The following UNC5D variants were observed in gnomAD, a reference collection of about 807,000 sequenced individuals.
UNC5D encodes the protein unc-5 netrin receptor D.
A neutral mutation model predicts 105.4 loss-of-function variants in UNC5D; 39 were observed. The ratio of observed to expected loss-of-function variants is 0.37; its 90% CI spans 0.29 to 0.48. UNC5D has a LOEUF of 0.48. UNC5D is among the 20% of genes least tolerant of loss of function. The pLI is 0.98. For synonymous variants in UNC5D, 452 were observed against 450.4 expected (o/e 1.00, Z -0.04); for missense variants, 991 against 1,202.4 (o/e 0.82, Z 2.60).
chr8:35,435,382 G>A (rs1233783869), intron 1 of UNC5D, among the ~76,000 whole-genome samples: 3 of 152,022 alleles, frequency 2.0e-5, no homozygotes, highest in Non-Finnish European at 4.4e-5. Flanking sequence ...TTTCTTCAAT[G>A]CATTTCTGGA....
At chr8:35,761,275 C>T (rs1379387952) in intron 14 of UNC5D, among the ~76,000 whole-genome samples, 1 of 152,178 alleles carries the variant, frequency 6.6e-6, no homozygotes, top group Non-Finnish European at 1.5e-5. Context: ...CCTCATTTCA[C>T]TGGATCTGAT....
intron 1 of UNC5D, among the ~76,000 whole-genome samples, chr8:35,257,265 A>T (rs1037796932): frequency 4.6e-5 from 7 of 152,048 alleles, no homozygotes; most frequent in African/African-American, 1.4e-4. Context: ...CAACGCGCCC[A>T]GCCTGGCTAT....
At chr8:35,396,496 C>CT (rs754696276) in intron 1 of UNC5D, among the ~76,000 whole-genome samples, 160 of 144,218 alleles carry the variant, frequency 1.1e-3, no homozygotes, top group Admixed American at 2.6e-3. Context: ...CTTTTATTTT[C>CT]TTTTTTTTTT....
At chr8:35,544,695 C>T (rs78045294) in intron 1 of UNC5D, among the ~76,000 whole-genome samples, 1,904 of 148,688 alleles carry the variant, frequency 0.013, 38 homozygotes, top group African/African-American at 0.045. Flanking sequence ...CTCTGCCTTC[C>T]GGGTACAAGT....
chr8:35,267,082 AT>A (rs36035512), intron 1 of UNC5D, among the ~76,000 whole-genome samples: 2,789 of 137,176 alleles, frequency 0.02, 59 homozygotes, highest in African/African-American at 0.064. Flanking sequence ...ACAGGGACTG[AT>A]TTTTTTTTTT....
At chr8:35,400,943 A>G (rs530744235) in intron 1 of UNC5D, among the ~76,000 whole-genome samples, 1 of 152,226 alleles carries the variant, frequency 6.6e-6, no homozygotes, top group South Asian at 2.1e-4. Context: ...GTTTATTAGC[A>G]CTGGATGTGT....
chr8:35,271,784 C>G, intron 1 of UNC5D, among the ~76,000 whole-genome samples: 1 of 142,284 alleles, frequency 7.0e-6, no homozygotes, highest in South Asian at 2.2e-4. Flanking sequence ...CATAGGCACT[C>G]TATCTGTATA....
Position 35,794,052 on chromosome 8 carries a change from C to T in UNC5D, c.*3489C>T, listed in dbSNP as rs575546334. On this transcript the variant is annotated 3_prime_UTR_variant, in exon 17 of 17. Coordinates refer to ENST00000404895, the MANE Select transcript of UNC5D (RefSeq NM_080872.4). ...CATTCTCAGCATCAGGATTGATAAA[C>T]AAATGTAGATGATTAAAATAGGATA... 1 of 152,138 alleles carries T rather than the reference C, an allele frequency of 6.6e-6. No homozygotes were observed. Among genetic ancestry groups the T allele is most frequent in the African/African-American group, 2.4e-5 (1 of 41,436 alleles). 9.4% of individuals were successfully genotyped at this position (152,138 alleles called of 1,614,324 possible).
intron 1 of UNC5D, among the ~76,000 whole-genome samples, chr8:35,482,260 G>A (rs1204487720): frequency 3.3e-5 from 5 of 152,062 alleles, no homozygotes; most frequent in Admixed American, 1.3e-4. Context: ...CCTCCTGACT[G>A]TAATGCTCAT....
At chr8:35,636,100 T>C (rs1389982559) in intron 4 of UNC5D, among the ~76,000 whole-genome samples, 1 of 152,222 alleles carries the variant, frequency 6.6e-6, no homozygotes, top group African/African-American at 2.4e-5. Flanking sequence ...TTAAGAGTTC[T>C]GATTATCTGC....
chr8:35,325,781 A>G (rs1053335287), intron 1 of UNC5D, among the ~76,000 whole-genome samples: 8 of 152,130 alleles, frequency 5.3e-5, no homozygotes, highest in African/African-American at 1.9e-4. Flanking sequence ...GGAAGGGGGA[A>G]TGGAAAAGGA....
intron 1 of UNC5D, among the ~76,000 whole-genome samples, chr8:35,489,372 C>A (rs1048574542): frequency 2.0e-5 from 3 of 152,058 alleles, no homozygotes; most frequent in Non-Finnish European, 4.4e-5. Context: ...AGTTCTAACA[C>A]CCAGTGTCTC....
At chr8:35,666,771 C>T (rs1824448262) in intron 4 of UNC5D, among the ~76,000 whole-genome samples, 1 of 152,112 alleles carries the variant, frequency 6.6e-6, no homozygotes, top group African/African-American at 2.4e-5. Context: ...GAAATGAAAA[C>T]TCAATTTGGT....
intron 1 of UNC5D, among the ~76,000 whole-genome samples, chr8:35,364,731 G>A (rs1040000426): frequency 1.3e-5 from 2 of 152,030 alleles, no homozygotes; most frequent in East Asian, 1.9e-4. Flanking sequence ...CAAGTTTATC[G>A]CAGTACCTCT....
chr8:35,493,630 T>C (rs1811354208), intron 1 of UNC5D, among the ~76,000 whole-genome samples: 1 of 152,168 alleles, frequency 6.6e-6, no homozygotes. Context: ...CAAATGGAAT[T>C]AATGAAAAAG....
intron 1 of UNC5D, among the ~76,000 whole-genome samples, chr8:35,529,211 G>C (rs1203702196): frequency 8.6e-6 from 1 of 115,918 alleles, no homozygotes; most frequent in Non-Finnish European, 1.6e-5. Flanking sequence ...AATCCATCTT[G>C]AATTGATTTT....
intron 1 of UNC5D, among the ~76,000 whole-genome samples, chr8:35,373,539 G>A (rs994161100): frequency 6.6e-6 from 1 of 152,150 alleles, no homozygotes; most frequent in Non-Finnish European, 1.5e-5. Context: ...ACATGTGCTG[G>A]AGCTGGTGAA....
chr8:35,507,613 T>C (rs1397769700), intron 1 of UNC5D, among the ~76,000 whole-genome samples: 4 of 143,938 alleles, frequency 2.8e-5, no homozygotes, highest in African/African-American at 7.9e-5. Context: ...GGAAGAGTAG[T>C]GGGGTGATGG....
chr8:35,501,610 C>T (rs1811978709), intron 1 of UNC5D, among the ~76,000 whole-genome samples: 1 of 152,072 alleles, frequency 6.6e-6, no homozygotes. Context: ...AGAAAGCCTC[C>T]AAAGTTCTGA....
Sources: gnomAD v4.1 joint callset for allele counts (sites outside exome capture counted in the v4.1 genomes callset) on GRCh38, gnomAD v4.1.1 for gene constraint, MANE v1.5 for transcripts, NCBI Gene and HGNC (gene_info 2026-07-23, HGNC 2026-07-21) for gene names.